SLCO6A1: variants seen among roughly 807,000 people sequenced by gnomAD.
SLCO6A1 encodes the protein solute carrier organic anion transporter family member 6A1.
A neutral mutation model predicts 72.7 loss-of-function variants in SLCO6A1; 65 were observed. The observed-to-expected ratio is 0.89, with a 90% CI of 0.73 to 1.10. The LOEUF is 1.10. SLCO6A1 is among the 50% of genes least tolerant of loss of function. The probability of loss-of-function intolerance (pLI) is 0.00; values close to 1 mark genes in which losing one functional copy is unlikely to be tolerated. For synonymous variants in SLCO6A1, 314 were observed against 298.2 expected (o/e 1.05, Z -0.55); for missense variants, 874 against 872.6 (o/e 1.00, Z -0.02).
At chr5:102,393,591 T>C (rs576285770) in intron 10 of SLCO6A1, among the ~76,000 whole-genome samples, 35 of 152,294 alleles carry the variant, frequency 2.3e-4, no homozygotes, top group African/African-American at 7.9e-4. Flanking sequence ...GTTTGGAGTA[T>C]ATTTTAATAG....
At chr5:102,493,094 A>G (rs1752756648) in intron 1 of SLCO6A1, among the ~76,000 whole-genome samples, 1 of 152,226 alleles carries the variant, frequency 6.6e-6, no homozygotes, top group Non-Finnish European at 1.5e-5. Context: ...AAGGGTACAT[A>G]ATGCTGCACA....
intron 6 of SLCO6A1, among the ~76,000 whole-genome samples, chr5:102,446,932 T>G (rs569004888): frequency 1.7e-4 from 26 of 152,196 alleles, no homozygotes; most frequent in African/African-American, 6.0e-4. Context: ...TTTTTTGTAT[T>G]TTGGTAGAGA....
chr5:102,412,678 T>C (rs1460731309), intron 9 of SLCO6A1, among the ~76,000 whole-genome samples: 1 of 152,032 alleles, frequency 6.6e-6, no homozygotes, highest in Non-Finnish European at 1.5e-5. Context: ...GGAGGATGGC[T>C]TGAGCCCAAG....
chr5:102,376,588 C>T (rs530789758), intron 12 of SLCO6A1, among the ~76,000 whole-genome samples: 112 of 152,126 alleles, frequency 7.4e-4, no homozygotes, highest in Non-Finnish European at 1.4e-3. Flanking sequence ...TATTAACCAA[C>T]CTACAAATTT....
chr5:102,447,845 T>G (rs9784741), intron 6 of SLCO6A1, among the ~76,000 whole-genome samples: 8,240 of 152,244 alleles, frequency 0.054, 734 homozygotes, highest in African/African-American at 0.19. Context: ...CATTGATCTT[T>G]TTATGGTTTT....
chr5:102,459,061 G>C (rs1750887701), intron 5 of SLCO6A1, among the ~76,000 whole-genome samples: 1 of 152,054 alleles, frequency 6.6e-6, no homozygotes, highest in African/African-American at 2.4e-5. Context: ...ATGAACTCTA[G>C]ATATAAAGCA....
chr5:102,392,081 A>G (rs761926399), intron 10 of SLCO6A1, among the ~76,000 whole-genome samples: 4 of 152,098 alleles, frequency 2.6e-5, no homozygotes, highest in Non-Finnish European at 5.9e-5. Flanking sequence ...AACTCGAACA[A>G]TAAACTATAT....
At chr5:102,441,169 T>G (rs1218309342) in intron 6 of SLCO6A1, among the ~76,000 whole-genome samples, 1 of 152,176 alleles carries the variant, frequency 6.6e-6, no homozygotes. Context: ...TTGTTTAACA[T>G]TTTCCCACCT....
intron 8 of SLCO6A1, among the ~76,000 whole-genome samples, chr5:102,416,164 A>G (rs1748273540): frequency 6.6e-6 from 1 of 152,144 alleles, no homozygotes; most frequent in African/African-American, 2.4e-5. Context: ...TCAAAAACTA[A>G]AAAATATAAC....
intron 12 of SLCO6A1, among the ~76,000 whole-genome samples, chr5:102,376,743 A>G (rs1173658356): frequency 6.6e-6 from 1 of 152,218 alleles, no homozygotes; most frequent in African/African-American, 2.4e-5. Flanking sequence ...TACATGAATA[A>G]TTCATGAGAT....
chr5:102,465,138 G>A (rs1405812523), intron 4 of SLCO6A1, among the ~76,000 whole-genome samples: 1 of 152,102 alleles, frequency 6.6e-6, no homozygotes, highest in East Asian at 1.9e-4. Flanking sequence ...TGTTGTTAGT[G>A]TCCCATTTGT....
chr5:102,427,879 T>C lies in SLCO6A1; in HGVS notation c.1277-7858A>G, dbSNP rs1270338982. Reference sequence around the variant, plus strand: ...ATATATATATATTTTTTTTTTTTTTTTTTTTTTTGAGACCGAGTCTTGCTC... The same window carrying C: ...ATATATATATATTTTTTTTTTTTTTCTTTTTTTTGAGACCGAGTCTTGCTC... On this transcript the variant is annotated intron_variant, in intron 7 of 13. Transcript: ENST00000506729. Among the ~76,000 whole-genome samples, 11 of 135,096 alleles carry C rather than the reference T, an allele frequency of 8.1e-5. No individual in the cohort carries two copies. The South Asian group carries it at 2.7e-3, about 33-fold the overall frequency. 88.6% of individuals were successfully genotyped at this position (135,096 alleles called of 152,430 possible).
intron 9 of SLCO6A1, among the ~76,000 whole-genome samples, chr5:102,407,673 A>T (rs1747745647): frequency 1.3e-5 from 2 of 152,206 alleles, no homozygotes; most frequent in African/African-American, 4.8e-5. Flanking sequence ...CAAAATATGT[A>T]ACATAAGGGA....
intron 8 of SLCO6A1, among the ~76,000 whole-genome samples, chr5:102,413,801 C>G (rs1748123984): frequency 6.6e-6 from 1 of 152,110 alleles, no homozygotes; most frequent in Non-Finnish European, 1.5e-5. Context: ...AAATGTTAGA[C>G]ATTTTAACGG....
chr5:102,381,541 A>T (rs1360528659), intron 12 of SLCO6A1, among the ~76,000 whole-genome samples: 2 of 151,752 alleles, frequency 1.3e-5, no homozygotes, highest in Admixed American at 1.3e-4. Flanking sequence ...AAACAAGGGA[A>T]TGCAGATATC....
intron 1 of SLCO6A1, among the ~76,000 whole-genome samples, chr5:102,497,667 T>C (rs1422763605): frequency 6.6e-6 from 1 of 152,218 alleles, no homozygotes; most frequent in Non-Finnish European, 1.5e-5. Flanking sequence ...CCTTCTTGCT[T>C]CTAACCTTTA....
intron 1 of SLCO6A1, among the ~76,000 whole-genome samples, chr5:102,486,549 T>C (rs373697779): frequency 3.9e-5 from 6 of 152,194 alleles, no homozygotes; most frequent in Non-Finnish European, 8.8e-5. Context: ...TGAAAAAAAG[T>C]CCAACATTTG....
rs564676212 is a variant in SLCO6A1, at chr5:102,424,886, C to A, written c.1277-4865G>T. On this transcript the variant is annotated intron_variant, in intron 7 of 13. Transcript: ENST00000506729. ...AAATCCTCAACAAAATACTGGCAAA[C>A]CGAATCAAGCAGCACACTAGAAAGC... Among the ~76,000 whole-genome samples the A allele has an allele frequency of 6.6e-5, 10 of 151,944 alleles. No homozygotes were observed. In the East Asian group the frequency reaches 1.7e-3, roughly 26 times the overall value.
intron 1 of SLCO6A1, among the ~76,000 whole-genome samples, chr5:102,492,974 A>G (rs1333816387): frequency 3.9e-5 from 6 of 152,196 alleles, no homozygotes; most frequent in African/African-American, 1.4e-4. Flanking sequence ...GGCATAGCCA[A>G]ACAAAAGGCA....
Sources: gnomAD v4.1 joint callset for allele counts (sites outside exome capture counted in the v4.1 genomes callset) on GRCh38, gnomAD v4.1.1 for gene constraint, MANE v1.5 for transcripts, NCBI Gene and HGNC (gene_info 2026-07-23, HGNC 2026-07-21) for gene names.